Variants in TRAPPC9 observed in about 807,000 individuals in gnomAD.
The protein encoded by TRAPPC9 is trafficking protein particle complex subunit 9.
Under a neutral mutation model 124.0 loss-of-function variants are expected in TRAPPC9, and 83 were observed. That is an observed-to-expected ratio of 0.67 (90% CI 0.56 to 0.80). The LOEUF (loss-of-function observed/expected upper bound fraction) is 0.80. Among genes scored for constraint, TRAPPC9 ranks in the 30% least tolerant of loss-of-function variants. The pLI, the probability that TRAPPC9 is intolerant of heterozygous loss-of-function variation, is 0.00. For missense variants in TRAPPC9, 1,302 were observed against 1,508.3 expected, an observed-to-expected ratio of 0.86 and a Z score of 2.27; for synonymous variants, 638 against 617.5, an observed-to-expected ratio of 1.03 and a Z score of -0.49.
At chr8:139,786,052 C>CA (rs776495621) in intron 21 of TRAPPC9, among the ~76,000 whole-genome samples, 4 of 151,884 alleles carry the variant, frequency 2.6e-5, no homozygotes, top group African/African-American at 7.3e-5. Flanking sequence ...ATTAAAAATA[C>CA]AAAAAATTAG....
At chr8:139,839,504 T>C (rs1363844835) in intron 21 of TRAPPC9, among the ~76,000 whole-genome samples, 1 of 152,128 alleles carries the variant, frequency 6.6e-6, no homozygotes, top group African/African-American at 2.4e-5. Context: ...AATGGCGGGC[T>C]CAAGAAAGGT....
intron 17 of TRAPPC9, among the ~76,000 whole-genome samples, chr8:140,041,403 C>A (rs1055416948): frequency 6.6e-6 from 1 of 152,214 alleles, no homozygotes; most frequent in Admixed American, 6.5e-5. Flanking sequence ...GTACTCCCTC[C>A]CAACATCAAA....
intron 17 of TRAPPC9, 134 bp from the exon 18 acceptor site, chr8:140,024,213 G>A (rs945474534): frequency 5.7e-5 from 65 of 1,146,982 alleles, no homozygotes; most frequent in Admixed American, 2.9e-4. Context: ...AGCATTGGCC[G>A]ACTCACAACC....
intron 7 of TRAPPC9, among the ~76,000 whole-genome samples, chr8:140,386,672 C>T (rs1480921281): frequency 6.6e-6 from 1 of 152,110 alleles, no homozygotes; most frequent in Non-Finnish European, 1.5e-5. Flanking sequence ...AAAGAGGATA[C>T]AAACAAATGG....
At chr8:140,028,256 C>A (rs1216431225) in intron 17 of TRAPPC9, among the ~76,000 whole-genome samples, 3 of 152,124 alleles carry the variant, frequency 2.0e-5, no homozygotes, top group Non-Finnish European at 4.4e-5. Flanking sequence ...ATAAGATGTT[C>A]CCATCTGAGA....
Position 139,803,782 on chromosome 8 carries a change from G to A in TRAPPC9, c.3056-71580C>T, listed in dbSNP as rs373953964. Reference sequence around the variant, plus strand: ...TGAGATAGATGCATCACGCTGTCTAGTTTCTTTTCTCAGAATCTGCTGCTC... The same window carrying A: ...TGAGATAGATGCATCACGCTGTCTAATTTCTTTTCTCAGAATCTGCTGCTC... On this transcript the variant is annotated intron_variant, in intron 21 of 22. Transcript: ENST00000438773. 3.5e-4 allele frequency among the ~76,000 whole-genome samples: 53 copies of A among 152,312 alleles called. No homozygotes were observed. The East Asian group carries it at 0.01, about 29-fold the overall frequency.
At position 140,059,939 on chromosome 8, in the gene TRAPPC9, C is replaced by T. The variant is rs1035239846; in HGVS notation, c.2557-35860G>A. On this transcript the variant is annotated intron_variant, in intron 17 of 22. Transcript: ENST00000438773. ...TAACAATCAACTCAAAGTCTGTGTA[C>T]GCTAACACCATCATCCTTATCATTT... 7.2e-5 allele frequency among the ~76,000 whole-genome samples: 11 copies of T among 152,280 alleles called. 1 individual carries two copies. The highest frequency in any genetic ancestry group is 6.8e-3 in the Middle Eastern group (2 of 294).
intron 21 of TRAPPC9, among the ~76,000 whole-genome samples, chr8:139,861,228 AG>A (rs1828123415): frequency 6.6e-6 from 1 of 152,196 alleles, no homozygotes; most frequent in African/African-American, 2.4e-5. Flanking sequence ...TGGACAGGGG[AG>A]GGGAACGAGT....
intron 17 of TRAPPC9, among the ~76,000 whole-genome samples, chr8:140,183,220 C>A (rs1329500955): frequency 6.6e-6 from 1 of 152,140 alleles, no homozygotes; most frequent in Non-Finnish European, 1.5e-5. Flanking sequence ...TTAATCCCTG[C>A]TTGGAGGTGT....
intron 17 of TRAPPC9, among the ~76,000 whole-genome samples, chr8:140,047,258 C>G (rs1241636980): frequency 5.3e-5 from 8 of 152,370 alleles, no homozygotes; most frequent in African/African-American, 1.9e-4. Flanking sequence ...ACATGCTCCT[C>G]GGCGGAGGCC....
chr8:139,947,329 G>T (rs1047669401), intron 19 of TRAPPC9, among the ~76,000 whole-genome samples: 1 of 152,148 alleles, frequency 6.6e-6, no homozygotes, highest in Non-Finnish European at 1.5e-5. Flanking sequence ...TTTAACAAGA[G>T]ATAATGTGGT....
chr8:140,361,303 T>G (rs1037409865), intron 8 of TRAPPC9, among the ~76,000 whole-genome samples: 12 of 152,182 alleles, frequency 7.9e-5, no homozygotes, highest in African/African-American at 2.9e-4. Context: ...GCCTCAGCCC[T>G]GGGAAACAGC....
intron 17 of TRAPPC9, 45 bp downstream of exon 17, chr8:140,221,414 A>C: frequency 6.2e-7 from 1 of 1,612,530 alleles, no homozygotes; most frequent in Non-Finnish European, 8.5e-7. Flanking sequence ...GCTTTGCAGA[A>C]GCCCGAACGG....
intron 9 of TRAPPC9, among the ~76,000 whole-genome samples, chr8:140,328,964 G>C (rs896035307): frequency 1.3e-5 from 2 of 152,156 alleles, no homozygotes; most frequent in Non-Finnish European, 2.9e-5. Context: ...AGGAAGGGCA[G>C]GGCAAGCTCG....
chr8:140,188,749 G>C (rs546921667), intron 17 of TRAPPC9, among the ~76,000 whole-genome samples: 3 of 152,186 alleles, frequency 2.0e-5, no homozygotes, highest in South Asian at 4.2e-4. Context: ...TGTTCCCCAG[G>C]GATCTACCTT....
intron 9 of TRAPPC9, among the ~76,000 whole-genome samples, chr8:140,323,129 C>T (rs2066641836): frequency 6.6e-6 from 1 of 152,116 alleles, no homozygotes; most frequent in African/African-American, 2.4e-5. Context: ...CGAGTCATGG[C>T]TATGTCATGA....
Position 140,447,438 on chromosome 8 carries a change from T to G in TRAPPC9, c.584+3352A>C, listed in dbSNP as rs967186227. ...TGCAACATGTTGACAGCCTACCTTT[T>G]CAGACCCAATAACACACTCACAGGG... On this transcript the variant is annotated intron_variant, in intron 2 of 22. Coordinates refer to ENST00000438773, the MANE Select transcript of TRAPPC9 (RefSeq NM_001160372.4). 2.0e-5 allele frequency among the ~76,000 whole-genome samples: 3 copies of G among 151,596 alleles called. No homozygotes were observed. In the South Asian group the frequency reaches 6.3e-4, roughly 32 times the overall value.
At chr8:140,447,268 TA>T (rs200635088) in intron 2 of TRAPPC9, among the ~76,000 whole-genome samples, 2 of 151,730 alleles carry the variant, frequency 1.3e-5, no homozygotes, top group Non-Finnish European at 2.9e-5. Context: ...GGTTACCTGC[TA>T]AAAAAAAGCT....
intron 21 of TRAPPC9, among the ~76,000 whole-genome samples, chr8:139,822,100 G>A (rs555368179): frequency 6.6e-6 from 1 of 152,334 alleles, no homozygotes; most frequent in Non-Finnish European, 1.5e-5. Flanking sequence ...GCTCTGGGCA[G>A]ACCAGTTCAT....
Sources: allele counts gnomAD v4.1 joint callset (sites outside exome capture counted in the v4.1 genomes callset), GRCh38; gene constraint gnomAD v4.1.1; transcripts MANE v1.5; gene names NCBI Gene and HGNC (gene_info 2026-07-23, HGNC 2026-07-21).